Variants in YAF2 observed in about 807,000 individuals in gnomAD.
YAF2 encodes the protein YY1 associated factor 2, also known as YY1-associated factor 2.
In YAF2, 7 loss-of-function variants were observed where a neutral mutation model predicts 20.1. The observed-to-expected ratio is 0.35, with a 90% CI of 0.20 to 0.65. The LOEUF is 0.65. YAF2 is among the 30% of genes least tolerant of loss of function. The probability of loss-of-function intolerance (pLI) is 0.69; values close to 1 mark genes in which losing one functional copy is unlikely to be tolerated. For missense variants in YAF2, 151 were observed against 219.2 expected (o/e 0.69, Z 1.96); for synonymous variants, 74 against 76.0 (o/e 0.97, Z 0.14).
chr12:42,209,933 G>A (rs866426566), intron 2 of YAF2, among the ~76,000 whole-genome samples: 3 of 152,048 alleles, frequency 2.0e-5, no homozygotes, highest in Non-Finnish European at 4.4e-5. Context: ...CGAATAGCTG[G>A]GATTACAAGC....
chr12:42,168,539 T>C (rs1360785567), intron 2 of YAF2, among the ~76,000 whole-genome samples: 3 of 152,174 alleles, frequency 2.0e-5, no homozygotes, highest in African/African-American at 7.2e-5. Context: ...TTGAAGAGGC[T>C]TGGCTTCTTC....
At chr12:42,211,503 A>AAGGC (rs920796949) in intron 2 of YAF2, among the ~76,000 whole-genome samples, 3 of 151,030 alleles carry the variant, frequency 2.0e-5, no homozygotes, top group Non-Finnish European at 4.4e-5. Flanking sequence ...TTTGGAGGCC[A>AAGGC]AGGCAGGTGG....
intron 2 of YAF2, among the ~76,000 whole-genome samples, chr12:42,222,472 G>C (rs777595722): frequency 2.0e-5 from 3 of 152,080 alleles, no homozygotes; most frequent in Non-Finnish European, 4.4e-5. Flanking sequence ...TTTGACTAGC[G>C]GACCATCTTC....
At chr12:42,171,459 C>T (rs1392409571) in intron 2 of YAF2, among the ~76,000 whole-genome samples, 1 of 151,818 alleles carries the variant, frequency 6.6e-6, no homozygotes, top group Non-Finnish European at 1.5e-5. Context: ...CTCTGAATAG[C>T]CACTGGCATT....
At chr12:42,226,685 T>C (rs908689502) in intron 2 of YAF2, among the ~76,000 whole-genome samples, 4 of 152,012 alleles carry the variant, frequency 2.6e-5, no homozygotes, top group Non-Finnish European at 5.9e-5. Flanking sequence ...AAATAAATAA[T>C]GCTAAAACGA....
At position 42,198,910 on chromosome 12, in the gene YAF2, C is replaced by T. The variant is rs188099652; in HGVS notation, c.153-37145G>A. Among the ~76,000 whole-genome samples the T allele has an allele frequency of 1.4e-4, 22 of 152,186 alleles. No homozygotes were observed. In the East Asian group the frequency reaches 4.1e-3, roughly 28 times the overall value. On this transcript the variant is annotated intron_variant, in intron 2 of 3. Coordinates refer to ENST00000534854, the MANE Select transcript of YAF2 (RefSeq NM_005748.6). ...GTGGGTACTGAGCACTTAAATGTGG[C>T]TAGTTCAAGTTAAGATGTGCTGTAA...
intron 2 of YAF2, chr12:42,233,920 C>T (rs1366385471): frequency 1.3e-5 from 13 of 985,126 alleles, no homozygotes; most frequent in Non-Finnish European, 1.6e-5. Context: ...CCTGTAATCC[C>T]AGCACTTTGG....
chr12:42,190,279 A>C (rs2066580565), intron 2 of YAF2, among the ~76,000 whole-genome samples: 1 of 152,186 alleles, frequency 6.6e-6, no homozygotes, highest in African/African-American at 2.4e-5. Flanking sequence ...GGGAAGCAGA[A>C]GGTGCAGTGA....
chr12:42,184,074 C>T (rs758071965), intron 2 of YAF2, among the ~76,000 whole-genome samples: 2 of 152,304 alleles, frequency 1.3e-5, no homozygotes, highest in African/African-American at 4.8e-5. Flanking sequence ...AAATATTCAG[C>T]TCACCGTTAA....
At chr12:42,228,153 G>C (rs866852617) in intron 2 of YAF2, among the ~76,000 whole-genome samples, 1 of 82,110 alleles carries the variant, frequency 1.2e-5, no homozygotes, top group Admixed American at 1.2e-4. Flanking sequence ...AGGTGGGGGG[G>C]GTCGGCCCCC....
At chr12:42,226,776 C>T (rs7956016) in intron 2 of YAF2, among the ~76,000 whole-genome samples, 109,249 of 152,182 alleles carry the variant, frequency 0.72, 40,837 homozygotes, top group African/African-American at 0.93. Flanking sequence ...AAAAGCAACG[C>T]CAGGTGTCAA....
rs563564093 is a variant in YAF2, at chr12:42,161,344, AAAAACAAAAC to A, written c.305+259_305+268del. On this transcript the variant is annotated intron_variant, in intron 3 of 3. Coordinates refer to ENST00000534854, the MANE Select transcript of YAF2 (RefSeq NM_005748.6). ...TGGTTCAAATAGCTCTTCTTAAGGG[AAAAACAAAAC>A]AAAACAAAACAAATCCAGACACAAA... 3.6e-5 allele frequency: 11 copies of A among 306,174 alleles called. No individual in the cohort carries two copies. The Admixed American group carries it at 3.9e-4, about 11-fold the overall frequency. 19.0% of individuals were successfully genotyped at this position (306,174 alleles called of 1,614,324 possible). A position where few individuals can be genotyped will look rare whatever the true frequency, so the allele number is the denominator to read the frequency against.
chr12:42,190,604 GTGTT>G (rs2066589599), intron 2 of YAF2, among the ~76,000 whole-genome samples: 1 of 151,918 alleles, frequency 6.6e-6, no homozygotes, highest in Non-Finnish European at 1.5e-5. Context: ...CTTTTGTTGA[GTGTT>G]TGTTTTCATT....
chr12:42,210,424 T>C (rs1334246436), intron 2 of YAF2: 2 of 1,532,106 alleles, frequency 1.3e-6, no homozygotes, highest in South Asian at 1.2e-5. Context: ...CTGTTCAGCA[T>C]GAGAATCTTC....
intron 2 of YAF2, 149 bp from the exon 3 acceptor site, chr12:42,161,914 A>T (rs976321726): frequency 2.8e-6 from 2 of 707,730 alleles, no homozygotes; most frequent in South Asian, 4.4e-5. Context: ...TTAAATATAC[A>T]ATTTTAAAGA....
intron 2 of YAF2, chr12:42,233,071 T>C: frequency 2.0e-6 from 2 of 985,332 alleles, no homozygotes; most frequent in South Asian, 9.4e-5. Flanking sequence ...AGCCCTTAAA[T>C]AAGATGCTCA....
chr12:42,195,573 C>A (rs1258043018), intron 2 of YAF2, among the ~76,000 whole-genome samples: 1 of 152,156 alleles, frequency 6.6e-6, no homozygotes, highest in Admixed American at 6.5e-5. Context: ...ATAGAAACCA[C>A]ATAGGCTCAG....
chr12:42,173,708 CCATTAATTTATTTAA>C (rs1489797809), intron 2 of YAF2, among the ~76,000 whole-genome samples: 1 of 152,152 alleles, frequency 6.6e-6, no homozygotes, highest in Non-Finnish European at 1.5e-5. Flanking sequence ...ACTCTTGCTT[CCATTAATTTATTTAA>C]CAAATATTTA....
At chr12:42,227,874 G>A (rs1460017386) in intron 2 of YAF2, among the ~76,000 whole-genome samples, 24 of 127,216 alleles carry the variant, frequency 1.9e-4, no homozygotes, top group African/African-American at 5.7e-4. Flanking sequence ...CCCGCCAGCC[G>A]CCCCGTCCGG....
Sources: allele counts gnomAD v4.1 joint callset (sites outside exome capture counted in the v4.1 genomes callset), GRCh38; gene constraint gnomAD v4.1.1; transcripts MANE v1.5; gene names NCBI Gene and HGNC (gene_info 2026-07-23, HGNC 2026-07-21).